Variants in SLC24A2 observed in about 807,000 individuals in gnomAD.
SLC24A2 encodes sodium/potassium/calcium exchanger 2.
In SLC24A2, 36 loss-of-function variants were observed where a neutral mutation model predicts 62.0. That is an observed-to-expected ratio of 0.58 (90% confidence interval 0.44 to 0.77). SLC24A2 has a LOEUF of 0.77. SLC24A2 is among the 30% of genes least tolerant of loss of function. The pLI, the probability that SLC24A2 is intolerant of heterozygous loss-of-function variation, is 0.00. For synonymous variants in SLC24A2, 358 were observed against 294.0 expected, an observed-to-expected ratio of 1.22 and a Z score of -2.23; for missense variants, 846 against 817.9, an observed-to-expected ratio of 1.03 and a Z score of -0.42.
In SLC24A2 at chr9:19,756,961, A is replaced by G. The variant is rs542973120; in HGVS notation, c.930+28976T>C. Among the ~76,000 whole-genome samples the G allele has an allele frequency of 4.0e-5, 5 of 123,490 alleles. No individual in the cohort carries two copies. In the Admixed American group the frequency reaches 5.4e-4, roughly 13 times the overall value. 81.0% of individuals were successfully genotyped at this position (123,490 alleles called of 152,430 possible). A position where few individuals can be genotyped will look rare whatever the true frequency, so the allele number is the denominator to read the frequency against. Reference sequence around the variant, plus strand: ...GGTCTGACTCTGTTGCCCAGGCTGCAGTAAGTGGCACCATCATTACTCACT... The same window carrying G: ...GGTCTGACTCTGTTGCCCAGGCTGCGGTAAGTGGCACCATCATTACTCACT... On this transcript the variant is annotated intron_variant, in intron 2 of 10. Coordinates refer to ENST00000341998, the MANE Select transcript of SLC24A2 (RefSeq NM_020344.4).
chr9:19,518,051 C>G (rs1466549496), intron 10 of SLC24A2, among the ~76,000 whole-genome samples: 3 of 151,692 alleles, frequency 2.0e-5, no homozygotes, highest in Admixed American at 1.3e-4. Flanking sequence ...GCCTTTTGGT[C>G]TATTAATTCT....
intron 8 of SLC24A2, among the ~76,000 whole-genome samples, chr9:19,546,307 G>C (rs1211261862): frequency 6.6e-6 from 1 of 152,224 alleles, no homozygotes; most frequent in African/African-American, 2.4e-5. Context: ...CCTTCCGCCA[G>C]ATGCTCTGTC....
chr9:19,882,084 AT>A, the SLC24A2 span, among the ~76,000 whole-genome samples: 2 of 152,282 alleles, frequency 1.3e-5, no homozygotes, highest in South Asian at 4.2e-4. Context: ...TCATACATTA[AT>A]CTTTGCCATT....
the SLC24A2 span, among the ~76,000 whole-genome samples, chr9:20,204,482 A>G: frequency 3.3e-5 from 5 of 152,194 alleles, no homozygotes; most frequent in Non-Finnish European, 7.3e-5. Context: ...AACACACACA[A>G]GTGGTGCTAA....
At chr9:19,548,384 G>A (rs1834684608) in intron 8 of SLC24A2, among the ~76,000 whole-genome samples, 1 of 151,988 alleles carries the variant, frequency 6.6e-6, no homozygotes, top group African/African-American at 2.4e-5. Flanking sequence ...GAAATGACCA[G>A]GTATAAATTA....
the SLC24A2 span, among the ~76,000 whole-genome samples, chr9:20,114,429 C>A: frequency 2.6e-5 from 4 of 151,968 alleles, no homozygotes; most frequent in Admixed American, 1.3e-4. Context: ...GCTAGTAAAG[C>A]CTAAAGCAAG....
chr9:20,096,116 C>T, the SLC24A2 span, among the ~76,000 whole-genome samples: 1 of 149,564 alleles, frequency 6.7e-6, no homozygotes, highest in South Asian at 2.1e-4. Context: ...TCCGTCCGTC[C>T]GTCCGTCCAT....
At chr9:19,750,368 T>C (rs1262665247) in intron 2 of SLC24A2, among the ~76,000 whole-genome samples, 3 of 151,808 alleles carry the variant, frequency 2.0e-5, no homozygotes, top group Non-Finnish European at 4.4e-5. Context: ...CCAAACCCAT[T>C]TGTCCTCCCA....
At chr9:19,950,437 C>T in the SLC24A2 span, among the ~76,000 whole-genome samples, 1 of 152,018 alleles carries the variant, frequency 6.6e-6, no homozygotes, top group African/African-American at 2.4e-5. Flanking sequence ...TTTGTAACCA[C>T]AGGAAATCTG....
chr9:19,891,921 A>G, the SLC24A2 span, among the ~76,000 whole-genome samples: 1 of 152,126 alleles, frequency 6.6e-6, no homozygotes, highest in Non-Finnish European at 1.5e-5. Context: ...TCAAATTTTA[A>G]TATGAGATTT....
At chr9:20,254,662 G>T in the SLC24A2 span, among the ~76,000 whole-genome samples, 1 of 152,070 alleles carries the variant, frequency 6.6e-6, no homozygotes, top group Admixed American at 6.6e-5. Flanking sequence ...CCACTTAGTG[G>T]CCCATGAAAA....
chr9:19,521,841 G>A (rs913168888), intron 9 of SLC24A2, among the ~76,000 whole-genome samples: 2 of 151,732 alleles, frequency 1.3e-5, no homozygotes, highest in African/African-American at 4.8e-5. Flanking sequence ...AAAAGCAAGG[G>A]GAGGGTGGCT....
chr9:19,867,988 C>T, the SLC24A2 span, among the ~76,000 whole-genome samples: 1 of 151,826 alleles, frequency 6.6e-6, no homozygotes, highest in Non-Finnish European at 1.5e-5. Context: ...TTTTCTACTT[C>T]ATTTATTTTT....
At chr9:20,256,859 G>T in the SLC24A2 span, among the ~76,000 whole-genome samples, 1 of 151,760 alleles carries the variant, frequency 6.6e-6, no homozygotes, top group African/African-American at 2.4e-5. Flanking sequence ...GCATGAAATA[G>T]TCCCCAAGGG....
chr9:20,120,153 T>C, the SLC24A2 span, among the ~76,000 whole-genome samples: 1 of 152,228 alleles, frequency 6.6e-6, no homozygotes, highest in African/African-American at 2.4e-5. Context: ...TTCTCATCTG[T>C]GGCTTGCCTT....
chr9:19,898,334 C>G, the SLC24A2 span, among the ~76,000 whole-genome samples: 1 of 152,346 alleles, frequency 6.6e-6, no homozygotes, highest in Admixed American at 6.5e-5. Flanking sequence ...GAAGACTCCT[C>G]ATGATCTCTT....
the SLC24A2 span, among the ~76,000 whole-genome samples, chr9:20,022,812 T>C: frequency 2.0e-5 from 3 of 152,290 alleles, no homozygotes; most frequent in Non-Finnish European, 4.4e-5. Flanking sequence ...CAACCATCTA[T>C]TTGCTAATAA....
chr9:20,251,362 T>C, the SLC24A2 span, among the ~76,000 whole-genome samples: 24 of 151,904 alleles, frequency 1.6e-4, no homozygotes, highest in Admixed American at 7.2e-4. Flanking sequence ...CTCATCCTCT[T>C]TGCAAACATT....
rs71335440 is a variant in SLC24A2, at chr9:19,642,671, CTTTTTTTTTTTTTTT to C, written c.931-20387_931-20373del. Among the ~76,000 whole-genome samples the C allele has an allele frequency of 1.4e-4, 11 of 79,848 alleles. No homozygotes were observed. The East Asian group carries it at 3.4e-3, about 25-fold the overall frequency. 52.4% of individuals were successfully genotyped at this position (79,848 alleles called of 152,430 possible). ...AGAATGGTTTATATGAGAGCGTATT[CTTTTTTTTTTTTTTT>C]TTTTTTTTTTTTGAGACGGAGCCTC... is the stretch of plus-strand genomic sequence containing the variant. On this transcript the variant is annotated intron_variant, in intron 2 of 10. Transcript: ENST00000341998.
Sources: gnomAD v4.1 joint callset for allele counts (sites outside exome capture counted in the v4.1 genomes callset) on GRCh38, gnomAD v4.1.1 for gene constraint, MANE v1.5 for transcripts, NCBI Gene and HGNC (gene_info 2026-07-23, HGNC 2026-07-21) for gene names.